The following MAP6 variants were observed in gnomAD, a reference collection of about 807,000 sequenced individuals.
MAP6 encodes the protein microtubule associated protein 6, also known as microtubule-associated protein 6.
MAP6 carries 26 observed loss-of-function variants against 42.4 expected under a neutral mutation model. The ratio of observed to expected loss-of-function variants is 0.61; its 90% CI spans 0.45 to 0.85. The LOEUF is 0.85. Among genes scored for constraint, MAP6 ranks in the 40% least tolerant of loss-of-function variants. The pLI is 0.00. For synonymous variants in MAP6, 418 were observed against 443.8 expected, an observed-to-expected ratio of 0.94 and a Z score of 0.73; for missense variants, 966 against 1,099.0, an observed-to-expected ratio of 0.88 and a Z score of 1.71.
chr11:75,607,118 C>A, intron 2 of MAP6: 1 of 568,894 alleles, frequency 1.8e-6, no homozygotes, highest in African/African-American at 2.0e-5. Context: ...AACCAATCGT[C>A]CTGGTTTGCC....
At chr11:75,643,788 T>G (rs192207894) in intron 1 of MAP6, among the ~76,000 whole-genome samples, 1 of 152,308 alleles carries the variant, frequency 6.6e-6, no homozygotes, top group African/African-American at 2.4e-5. Flanking sequence ...ATGATACTTC[T>G]CACTTTACAG....
At chr11:75,609,381 G>A (rs1942846916) in intron 1 of MAP6, among the ~76,000 whole-genome samples, 1 of 152,132 alleles carries the variant, frequency 6.6e-6, no homozygotes, top group Admixed American at 6.5e-5. Context: ...AATATCTGTG[G>A]AGTTAGGTTC....
chr11:75,658,308 C>T (rs17134231), intron 1 of MAP6, among the ~76,000 whole-genome samples: 7,151 of 152,008 alleles, frequency 0.047, 211 homozygotes, highest in East Asian at 0.14. Context: ...CATTCTGTAC[C>T]GAACATCTCC....
At chr11:75,638,989 C>A (rs1314502276) in intron 1 of MAP6, among the ~76,000 whole-genome samples, 1 of 152,154 alleles carries the variant, frequency 6.6e-6, no homozygotes, top group Admixed American at 6.5e-5. Context: ...GAAATCATGT[C>A]TTTTGCAGTA....
intron 1 of MAP6, among the ~76,000 whole-genome samples, chr11:75,666,457 T>C (rs961670389): frequency 1.3e-5 from 2 of 151,438 alleles, no homozygotes; most frequent in Non-Finnish European, 2.9e-5. Flanking sequence ...GAGAAAGGGG[T>C]TTTTGGTGGC....
intron 3 of MAP6, chr11:75,604,482 G>A (rs577174351): frequency 3.0e-6 from 3 of 985,250 alleles, no homozygotes; most frequent in Non-Finnish European, 2.4e-6. Context: ...TCAGAATGCC[G>A]GGGACAAGAG....
At chr11:75,618,498 T>C (rs544871478) in intron 1 of MAP6, among the ~76,000 whole-genome samples, 46 of 152,094 alleles carry the variant, frequency 3.0e-4, no homozygotes, top group African/African-American at 1.1e-3. Flanking sequence ...TCCCAGGTAC[T>C]TGGGAGGCTG....
Position 75,667,328 on chromosome 11 carries a change from G to GACCC in MAP6, c.905+136_905+137insGGGT. On this transcript the variant is annotated intron_variant, in intron 1 of 3. Transcript: ENST00000304771. This position sits in a 1 kb window ranked among gnomAD's most constrained non-coding sequence, Gnocchi z 5.6. The stretch of plus-strand genomic sequence containing the variant: ...GCTTCGACAGGAGGTGGCCTGGGAG[G>GACCC]CGGCTGGGGAGAGGGTGTGGCCTGG... The GACCC allele has an allele frequency of 1.3e-6, 1 of 760,142 alleles. No individual in the cohort carries two copies. The highest frequency in any genetic ancestry group is 1.9e-6 in the Non-Finnish European group (1 of 523,586). The allele number at this position is 760,142 out of a possible 1,614,324, so 47.1% of individuals were successfully genotyped here. A position where few individuals can be genotyped will look rare whatever the true frequency, so the allele number is the denominator to read the frequency against.
intron 1 of MAP6, among the ~76,000 whole-genome samples, chr11:75,663,358 G>A (rs1646048038): frequency 6.6e-6 from 1 of 152,074 alleles, no homozygotes; most frequent in Non-Finnish European, 1.5e-5. Flanking sequence ...GGTATTCCCA[G>A]CTCCTTGTCT....
chr11:75,636,853 T>C (rs1317279835), intron 1 of MAP6, among the ~76,000 whole-genome samples: 1 of 152,240 alleles, frequency 6.6e-6, no homozygotes, highest in Non-Finnish European at 1.5e-5. Context: ...CAATCCTTCT[T>C]GCCTCCTGAC....
At chr11:75,604,310 C>A in intron 3 of MAP6, 2 of 985,792 alleles carry the variant, frequency 2.0e-6, no homozygotes, top group Non-Finnish European at 2.4e-6. Context: ...CCTGAATGGT[C>A]GGAGTAAGAG....
At chr11:75,657,150 C>T (rs1473738849) in intron 1 of MAP6, among the ~76,000 whole-genome samples, 2 of 145,666 alleles carry the variant, frequency 1.4e-5, no homozygotes, top group Admixed American at 7.1e-5. Context: ...CTCGCTCTGT[C>T]GCCAGGCTGG....
chr11:75,657,143 G>A (rs1371998252), intron 1 of MAP6, among the ~76,000 whole-genome samples: 6 of 143,278 alleles, frequency 4.2e-5, no homozygotes, highest in African/African-American at 1.3e-4. Context: ...ACGGAGTCTC[G>A]CTCTGTCGCC....
chr11:75,661,516 G>A (rs555975064), intron 1 of MAP6, among the ~76,000 whole-genome samples: 8 of 151,984 alleles, frequency 5.3e-5, no homozygotes, highest in Admixed American at 5.2e-4. Flanking sequence ...TCCCAGAAAT[G>A]CAAAGATGGT....
At chr11:75,650,551 C>T (rs1202560670) in intron 1 of MAP6, among the ~76,000 whole-genome samples, 1 of 152,172 alleles carries the variant, frequency 6.6e-6, no homozygotes, top group Non-Finnish European at 1.5e-5. Context: ...AGAGTCTGTT[C>T]CCTGAGTGAC....
intron 1 of MAP6, among the ~76,000 whole-genome samples, chr11:75,641,484 A>T (rs552159559): frequency 2.3e-4 from 18 of 77,016 alleles, no homozygotes; most frequent in East Asian, 1.5e-3. Context: ...AAAGTATAAT[A>T]AAAAAAAAAA....
At chr11:75,646,418 T>G (rs919522205) in intron 1 of MAP6, among the ~76,000 whole-genome samples, 1 of 135,432 alleles carries the variant, frequency 7.4e-6, no homozygotes, top group African/African-American at 2.8e-5. Context: ...TCCCAGCACT[T>G]TGGGAGGCCG....
intron 1 of MAP6, among the ~76,000 whole-genome samples, chr11:75,643,394 A>G (rs569046239): frequency 9.9e-5 from 15 of 152,218 alleles, no homozygotes; most frequent in African/African-American, 3.4e-4. Context: ...TTGTTTCTTC[A>G]TCCAGAATGA....
intron 2 of MAP6, chr11:75,607,399 C>CA (rs1942799493): frequency 2.0e-6 from 2 of 985,310 alleles, no homozygotes; most frequent in African/African-American, 3.5e-5. Flanking sequence ...TGCTAGATTG[C>CA]ATGGCTTATA....
Sources: allele counts gnomAD v4.1 joint callset (sites outside exome capture counted in the v4.1 genomes callset), GRCh38; gene constraint gnomAD v4.1.1; non-coding constraint Gnocchi (gnomAD v3.1); transcripts MANE v1.5; gene names NCBI Gene and HGNC (gene_info 2026-07-23, HGNC 2026-07-21).